The following DOCK9 variants were observed in gnomAD, a reference collection of about 807,000 sequenced individuals.
The protein encoded by DOCK9 is dedicator of cytokinesis 9, also known as dedicator of cytokinesis protein 9.
A neutral mutation model predicts 263.3 loss-of-function variants in DOCK9; 89 were observed. That is an observed-to-expected ratio of 0.34 (90% CI 0.28 to 0.40). DOCK9 has a LOEUF of 0.40. Ranked by LOEUF, DOCK9 falls within the 10% of genes least tolerant of loss-of-function variation. The probability of loss-of-function intolerance (pLI) is 1.00; values close to 1 mark genes in which losing one functional copy is unlikely to be tolerated. For synonymous variants in DOCK9, 976 were observed against 973.1 expected, an observed-to-expected ratio of 1.00 and a Z score of -0.06; for missense variants, 2,140 against 2,603.4, an observed-to-expected ratio of 0.82 and a Z score of 3.87.
exon 1 of DOCK9, chr13:99,086,244 C>T: frequency 6.7e-7 from 1 of 1,503,268 alleles, no homozygotes; most frequent in Non-Finnish European, 8.8e-7. Context: ...AGCCGCGCAC[C>T]ACCTCAGACA....
intron 1 of DOCK9, among the ~76,000 whole-genome samples, chr13:98,985,547 A>G (rs1878257903): frequency 6.6e-6 from 1 of 152,218 alleles, no homozygotes. Context: ...TCAGTTTGGA[A>G]ATGGGGCTGT....
intron 7 of DOCK9, among the ~76,000 whole-genome samples, chr13:98,918,710 C>A (rs1370378249): frequency 3.3e-5 from 5 of 152,168 alleles, no homozygotes; most frequent in African/African-American, 4.8e-5. Context: ...AAGATATGAA[C>A]AGATACCCTA....
chr13:99,057,348 A>G (rs561826646), intron 1 of DOCK9, among the ~76,000 whole-genome samples: 10 of 152,352 alleles, frequency 6.6e-5, no homozygotes, highest in African/African-American at 2.2e-4. Context: ...GAAATCTTAC[A>G]GCACAAAACA....
rs374281192 is a variant in DOCK9, at chr13:98,874,949, T to C, written c.2943+4949A>G. ...CACTCTTTCCCCTCTAATCTCAATC[T>C]ATCCAGCCTGAACTCTGCCCCAGCG... On this transcript the variant is annotated intron_variant, in intron 27 of 52. Coordinates refer to ENST00000682017, the MANE Select transcript of DOCK9 (RefSeq NM_001366683.2). Among the ~76,000 whole-genome samples the C allele has an allele frequency of 3.0e-4, 46 of 152,252 alleles. 1 individual carries two copies. The highest frequency in any genetic ancestry group is 9.4e-4 in the African/African-American group (39 of 41,558).
At chr13:98,845,182 A>T (rs1408423583) in intron 38 of DOCK9, 3 of 462,778 alleles carry the variant, frequency 6.5e-6, no homozygotes, top group Non-Finnish European at 1.1e-5. Flanking sequence ...GATAAAAGTA[A>T]ATTAAAAATA....
intron 1 of DOCK9, among the ~76,000 whole-genome samples, chr13:98,960,773 A>G (rs948291516): frequency 1.3e-5 from 2 of 152,174 alleles, no homozygotes; most frequent in Non-Finnish European, 2.9e-5. Context: ...CCAACTACCT[A>G]TACTTGAACA....
intron 45 of DOCK9, among the ~76,000 whole-genome samples, chr13:98,817,751 A>G (rs1400131874): frequency 2.2e-5 from 3 of 139,024 alleles, no homozygotes; most frequent in Non-Finnish European, 4.6e-5. Flanking sequence ...TGAGTTCATT[A>G]TGGGAGAACC....
In DOCK9 at chr13:98,883,023, T is replaced by A; in HGVS notation, c.2559+19A>T. Reference sequence around the variant, plus strand: ...TCCAAACTCACTTAAAAGGGGATACTAAGAAAGCCATGTGATACCTTAAGG... The same window carrying A: ...TCCAAACTCACTTAAAAGGGGATACAAAGAAAGCCATGTGATACCTTAAGG... On this transcript the variant is annotated intron_variant, in intron 23 of 52. Transcript: ENST00000682017. 2 of 1,604,262 alleles carry A rather than the reference T, an allele frequency of 1.2e-6. No homozygotes were observed. Among genetic ancestry groups the A allele is most frequent in the Non-Finnish European group, 1.7e-6 (2 of 1,175,260 alleles).
chr13:98,897,531 G>C lies in DOCK9; in HGVS notation c.1666C>G (p.Leu556Val). 6.2e-7 allele frequency: 1 copy of C among 1,613,948 alleles called. No individual in the cohort carries two copies. Among genetic ancestry groups the C allele is most frequent in the Non-Finnish European group, 8.5e-7 (1 of 1,179,860 alleles). ...AACTTGAGCATGTCATCATTGGATA[G>C]CTTATTGCTGTCTTGCCTGTAGATG... is the stretch of plus-strand genomic sequence containing the variant. ...SAIYRQDSNK[L>V]SNDDMLKLLA... The change falls in exon 15 of 53, where the codon CTA becomes GTA. Residue 556 changes from leucine to valine, a missense_variant. This residue lies in a region of DOCK9 where 1,521 missense variants were observed against 1,741.7 expected (regional missense o/e 0.87). Coordinates refer to ENST00000682017, the MANE Select transcript of DOCK9 (RefSeq NM_001366683.2).
At chr13:99,010,936 C>T (rs866874275) in intron 1 of DOCK9, among the ~76,000 whole-genome samples, 3 of 152,318 alleles carry the variant, frequency 2.0e-5, no homozygotes, top group Admixed American at 6.5e-5. Flanking sequence ...CTCACTCAGT[C>T]GCCCAGGCCG....
intron 1 of DOCK9, among the ~76,000 whole-genome samples, chr13:99,034,338 A>ACTGAAG (rs1166586877): frequency 2.0e-5 from 3 of 152,206 alleles, no homozygotes; most frequent in Non-Finnish European, 4.4e-5. Context: ...GTAACTCCAA[A>ACTGAAG]CTGAAGCTGA....
intron 1 of DOCK9, among the ~76,000 whole-genome samples, chr13:99,046,273 G>A (rs577169666): frequency 3.9e-5 from 6 of 152,096 alleles, no homozygotes; most frequent in Non-Finnish European, 7.4e-5. Flanking sequence ...CTTGGAAGGT[G>A]GGACGCACAC....
chr13:98,975,345 G>A (rs2060145365), intron 1 of DOCK9, among the ~76,000 whole-genome samples: 12 of 150,658 alleles, frequency 8.0e-5, no homozygotes. Flanking sequence ...CTGGATGACA[G>A]AGTAAGACTT....
chr13:98,891,905 G>A (rs1406448835), intron 15 of DOCK9, among the ~76,000 whole-genome samples: 1 of 151,238 alleles, frequency 6.6e-6, no homozygotes, highest in Admixed American at 6.6e-5. Context: ...TGGTTTATTA[G>A]ACATCAAACA....
chr13:99,012,504 C>A (rs534925325), intron 1 of DOCK9, among the ~76,000 whole-genome samples: 16 of 152,286 alleles, frequency 1.1e-4, no homozygotes, highest in Non-Finnish European at 1.6e-4. Flanking sequence ...ACAGCTCTTA[C>A]CTGATGACAG....
chr13:99,016,919 C>T (rs779115158), intron 1 of DOCK9, among the ~76,000 whole-genome samples: 1 of 152,152 alleles, frequency 6.6e-6, no homozygotes, highest in Admixed American at 6.5e-5. Context: ...TGTAAACCCA[C>T]GCATGTAGTA....
intron 27 of DOCK9, among the ~76,000 whole-genome samples, chr13:98,873,577 G>A (rs191398362): frequency 1.1e-4 from 16 of 152,284 alleles, no homozygotes; most frequent in Admixed American, 1.0e-3. Context: ...TAGTGATGTG[G>A]CAGTGCAACT....
intron 45 of DOCK9, among the ~76,000 whole-genome samples, chr13:98,821,353 G>A (rs1316860570): frequency 1.3e-5 from 2 of 152,188 alleles, no homozygotes; most frequent in Admixed American, 6.5e-5. Flanking sequence ...GGTCCTGCCA[G>A]GTGGTCCTTC....
intron 1 of DOCK9, among the ~76,000 whole-genome samples, chr13:98,998,267 A>G (rs947228013): frequency 4.9e-4 from 75 of 152,272 alleles, no homozygotes; most frequent in Admixed American, 1.6e-3. Flanking sequence ...ACATGTCTCA[A>G]TTCACTAAAT....
Sources: gnomAD v4.1 joint callset for allele counts (sites outside exome capture counted in the v4.1 genomes callset) on GRCh38, gnomAD v4.1.1 for gene constraint, gnomAD v4.1.1 regional missense constraint, MANE v1.5 for transcripts, NCBI Gene and HGNC (gene_info 2026-07-23, HGNC 2026-07-21) for gene names.